ARHGAP31: variants seen among roughly 807,000 people sequenced by gnomAD.
ARHGAP31 encodes the protein Rho GTPase activating protein 31.
Under a neutral mutation model 113.9 loss-of-function variants are expected in ARHGAP31, and 34 were observed. The ratio of observed to expected loss-of-function variants is 0.30; its 90% CI spans 0.23 to 0.40. The LOEUF (loss-of-function observed/expected upper bound fraction) is 0.40, where lower values mean the gene tolerates loss of function less well. Ranked by LOEUF, ARHGAP31 falls within the 10% of genes least tolerant of loss-of-function variation. ARHGAP31 has a pLI of 1.00. For missense variants in ARHGAP31, 1,548 were observed against 1,767.1 expected, an observed-to-expected ratio of 0.88 and a Z score of 2.22; for synonymous variants, 650 against 684.8, an observed-to-expected ratio of 0.95 and a Z score of 0.79.
At chr3:119,361,330 G>T (rs1190177094) in intron 1 of ARHGAP31, among the ~76,000 whole-genome samples, 5 of 150,934 alleles carry the variant, frequency 3.3e-5, no homozygotes, top group African/African-American at 4.9e-5. Flanking sequence ...GCACATTAAG[G>T]TATGTGAGAA....
intron 7 of ARHGAP31, 49 bp downstream of exon 7, chr3:119,391,032 G>C (rs1384863925): frequency 1.3e-6 from 2 of 1,588,914 alleles, no homozygotes; most frequent in Non-Finnish European, 1.7e-6. Flanking sequence ...GGTTGAAGAG[G>C]AAAGAGGAGG....
At position 119,332,486 on chromosome 3, in the gene ARHGAP31, G is replaced by A. The variant is rs116586396; in HGVS notation, c.101-32830G>A. ...AAATGCTGGGATTACATAGGCAAGA[G>A]CCACCGCACCGGCCGGATTCCCTGT... is the stretch of plus-strand genomic sequence containing the variant. On this transcript the variant is annotated intron_variant, in intron 1 of 11. Transcript: ENST00000264245. Among the ~76,000 whole-genome samples the A allele has an allele frequency of 1.9e-3, 292 of 152,166 alleles. 2 individuals carry two copies. The highest frequency in any genetic ancestry group is 6.7e-3 in the African/African-American group (279 of 41,518).
intron 11 of ARHGAP31, among the ~76,000 whole-genome samples, chr3:119,411,917 G>C (rs1471862719): frequency 6.6e-6 from 1 of 152,122 alleles, no homozygotes; most frequent in Non-Finnish European, 1.5e-5. Flanking sequence ...AGTCCATTGG[G>C]AATAATAAGA....
At position 119,414,434 on chromosome 3, in the gene ARHGAP31, G is replaced by A; in HGVS notation, c.2505G>A (p.Gln835=). ...QDSPEISSLC[Q]GEEATPRHSD... is the part of the protein sequence containing the mutation. ...GCCCTGAGATCTCTAGCCTCTGTCA[G>A]GGAGAGGAGGCAACCCCAAGACACA... is the stretch of plus-strand genomic sequence containing the variant. Residue 835 remains glutamine (Q), a synonymous_variant, in exon 12 of 12, where the codon CAG becomes CAA. Transcript: ENST00000264245. 6.2e-7 allele frequency: 1 copy of A among 1,614,220 alleles called. No individual in the cohort carries two copies. Among genetic ancestry groups the A allele is most frequent in the Non-Finnish European group, 8.5e-7 (1 of 1,180,044 alleles).
At chr3:119,413,316 CAA>C (rs369363243) in intron 11 of ARHGAP31, among the ~76,000 whole-genome samples, 22 of 91,406 alleles carry the variant, frequency 2.4e-4, no homozygotes, top group Admixed American at 4.5e-4. Flanking sequence ...GACTCTGTCT[CAA>C]AAAAAAAAAA....
intron 9 of ARHGAP31, 31 bp downstream of exon 9, chr3:119,399,292 AG>A: frequency 1.9e-6 from 3 of 1,575,572 alleles, no homozygotes; most frequent in Non-Finnish European, 2.6e-6. Flanking sequence ...TCTGAGTTGG[AG>A]ATTACAACTA....
In ARHGAP31 at chr3:119,416,427, G is replaced by T; in HGVS notation, c.*163G>T. 1.5e-5 allele frequency: 15 copies of T among 1,001,612 alleles called. No homozygotes were observed. In the Middle Eastern group the frequency reaches 9.4e-4, roughly 63 times the overall value. The allele number at this position is 1,001,612 out of a possible 1,614,324, so 62.0% of individuals were successfully genotyped here. A position where few individuals can be genotyped will look rare whatever the true frequency, so the allele number is the denominator to read the frequency against. On this transcript the variant is annotated 3_prime_UTR_variant, in exon 12 of 12. Transcript: ENST00000264245. ...TGACCACTTATTAATTAGTCCATTT[G>T]CTAGAAGAGTGGTCAAGGGAAAAAC...
chr3:119,401,774 T>C (rs1230248137), intron 9 of ARHGAP31, 48 bp from the exon 10 acceptor site: 1 of 1,585,588 alleles, frequency 6.3e-7, no homozygotes, highest in Non-Finnish European at 8.6e-7. Context: ...GGCCTGCTAT[T>C]GTATGTGTGC....
At chr3:119,382,657 T>TA (rs1164296359) in intron 5 of ARHGAP31, among the ~76,000 whole-genome samples, 2 of 152,214 alleles carry the variant, frequency 1.3e-5, no homozygotes, top group African/African-American at 4.8e-5. Flanking sequence ...GTCTGTATGT[T>TA]AAAATTTCTT....
chr3:119,366,694 T>G (rs1465168964), intron 2 of ARHGAP31, among the ~76,000 whole-genome samples: 1 of 152,100 alleles, frequency 6.6e-6, no homozygotes, highest in Non-Finnish European at 1.5e-5. Flanking sequence ...AGAGAAATCT[T>G]TGGCTAAATA....
In ARHGAP31 at chr3:119,415,293, G is replaced by C. The variant is rs770795034; in HGVS notation, c.3364G>C (p.Glu1122Gln). Residue 1122 changes from glutamate (E) to glutamine (Q), a missense_variant, in exon 12 of 12, where the codon GAG (glutamate) becomes CAG (glutamine). Transcript: ENST00000264245. ...TCCCATTGCTGACCTCTTCTGGTTT[G>C]AGAATGTGGCCTCATTTAGTTCACC... Reference protein sequence around the residue: ...AIPIADLFWFENVASFSSPGM... With the variant: ...AIPIADLFWFQNVASFSSPGM... The C allele has an allele frequency of 1.5e-5, 24 of 1,614,216 alleles. No homozygotes were observed. The highest frequency in any genetic ancestry group is 2.0e-5 in the Non-Finnish European group (24 of 1,180,038).
At chr3:119,380,780 G>T in intron 3 of ARHGAP31, 124 bp from the exon 4 acceptor site, 1 of 811,322 alleles carries the variant, frequency 1.2e-6, no homozygotes, top group Non-Finnish European at 2.1e-6. Context: ...CATGCCTCTT[G>T]GAAGGATGAT....
chr3:119,332,598 CTCTCTT>C (rs2079902326), intron 1 of ARHGAP31, among the ~76,000 whole-genome samples: 1 of 138,986 alleles, frequency 7.2e-6, no homozygotes, highest in Non-Finnish European at 1.5e-5. Context: ...CTTTCTCTCT[CTCTCTT>C]TCTCTCTCTC....
At chr3:119,337,507 AC>A in intron 1 of ARHGAP31, among the ~76,000 whole-genome samples, 1 of 152,284 alleles carries the variant, frequency 6.6e-6, no homozygotes, top group African/African-American at 2.4e-5. Flanking sequence ...TACTGACGGG[AC>A]CCAAATGATT....
intron 8 of ARHGAP31, among the ~76,000 whole-genome samples, chr3:119,395,933 A>T (rs2080547092): frequency 6.6e-6 from 1 of 152,200 alleles, no homozygotes; most frequent in Admixed American, 6.5e-5. Flanking sequence ...AGGATTCTTA[A>T]GGGAGAAACT....
chr3:119,390,123 C>T (rs530461368), intron 6 of ARHGAP31, among the ~76,000 whole-genome samples: 8 of 151,870 alleles, frequency 5.3e-5, no homozygotes, highest in East Asian at 1.9e-4. Flanking sequence ...TGTGCATCAG[C>T]GATTGTCATC....
chr3:119,381,424 A>G (rs56390639), intron 4 of ARHGAP31, among the ~76,000 whole-genome samples: 5,338 of 152,166 alleles, frequency 0.035, 128 homozygotes, highest in Non-Finnish European at 0.052. Flanking sequence ...CTTTCATTTC[A>G]TTCTCACAGT....
intron 4 of ARHGAP31, among the ~76,000 whole-genome samples, chr3:119,381,984 TCA>T (rs2080404193): frequency 1.6e-5 from 1 of 61,926 alleles, no homozygotes; most frequent in African/African-American, 7.8e-5. Context: ...AGACTCCGTC[TCA>T]AAAAAAAAAA....
At chr3:119,338,497 T>C (rs1384527517) in intron 1 of ARHGAP31, among the ~76,000 whole-genome samples, 1 of 152,238 alleles carries the variant, frequency 6.6e-6, no homozygotes, top group Non-Finnish European at 1.5e-5. Flanking sequence ...TTGAGGTTTT[T>C]ATTTGTGTTT....
Sources: allele counts gnomAD v4.1 joint callset (sites outside exome capture counted in the v4.1 genomes callset), GRCh38; gene constraint gnomAD v4.1.1; transcripts MANE v1.5; gene names NCBI Gene and HGNC (gene_info 2026-07-23, HGNC 2026-07-21).